The following TFRC variants were observed in gnomAD, a reference collection of about 807,000 sequenced individuals.
TFRC encodes transferrin receptor protein 1.
In TFRC, 35 loss-of-function variants were observed where a neutral mutation model predicts 85.8. The ratio of observed to expected loss-of-function variants is 0.41; its 90% confidence interval spans 0.31 to 0.54. The LOEUF is 0.54. Among genes scored for constraint, TFRC ranks in the 20% least tolerant of loss-of-function variants. The pLI is 0.31. For synonymous variants in TFRC, 362 were observed against 328.6 expected, an observed-to-expected ratio of 1.10 and a Z score of -1.10; for missense variants, 828 against 921.5, an observed-to-expected ratio of 0.90 and a Z score of 1.31.
chr3:196,066,751 T>C (rs1028241435), intron 9 of TFRC, among the ~76,000 whole-genome samples: 1 of 152,208 alleles, frequency 6.6e-6, no homozygotes, highest in African/African-American at 2.4e-5. Context: ...TGGTATTTCA[T>C]ATACTCCTTA....
intron 16 of TFRC, among the ~76,000 whole-genome samples, chr3:196,056,726 G>A (rs2063126581): frequency 6.6e-6 from 1 of 152,144 alleles, no homozygotes; most frequent in Non-Finnish European, 1.5e-5. Context: ...AACTCATAAA[G>A]AAGTTTTAGC....
intron 4 of TFRC, among the ~76,000 whole-genome samples, chr3:196,073,036 CAAA>C (rs56723183): frequency 0.29 from 20,490 of 70,326 alleles, 1,297 homozygotes; most frequent in Non-Finnish European, 0.32. Flanking sequence ...CCCGTTTCTG[CAAA>C]AAAAAAAAAA....
chr3:196,053,534 G>A lies in TFRC; in HGVS notation c.1924C>T (p.Leu642=). The change falls in exon 18 of 19, where the codon CTG becomes TTG. Residue 642 remains leucine (L), a synonymous_variant. Coordinates refer to ENST00000360110, the MANE Select transcript of TFRC (RefSeq NM_001128148.3). ...AAGAAGTCTCCACGAGCAGAATACA[G>A]CCACTGTAAACTCAGGCCCATTTCC... The part of the protein sequence containing the change: ...IKEMGLSLQW[L]YSARGDFFRA... The A allele has an allele frequency of 6.2e-7, 1 of 1,614,196 alleles. No homozygotes were observed. The highest frequency in any genetic ancestry group is 1.1e-5 in the South Asian group (1 of 91,090).
chr3:196,062,683 GTTTA>G (rs748929759), intron 12 of TFRC, 38 bp from the exon 13 acceptor site: 6 of 1,581,646 alleles, frequency 3.8e-6, no homozygotes, highest in South Asian at 2.3e-5. Flanking sequence ...GTATAAATCT[GTTTA>G]TTTATCACAT....
rs959531545 is a variant in TFRC, at chr3:196,058,197, T to C, written c.1677+87A>G. ...TACATAGTTGACTATAGCACAGGCA[T>C]TCCCATTGCAATGCCCTATTCCCAA... On this transcript the variant is annotated intron_variant, in intron 16 of 18. Transcript: ENST00000360110. 8 of 1,054,026 alleles carry C rather than the reference T, an allele frequency of 7.6e-6. No individual in the cohort carries two copies. The African/African-American group carries it at 7.9e-5, about 10-fold the overall frequency. The allele number at this position is 1,054,026 out of a possible 1,614,324, so 65.3% of individuals were successfully genotyped here.
At chr3:196,058,778 C>A in intron 14 of TFRC, 146 bp from the exon 15 acceptor site, 1 of 477,578 alleles carries the variant, frequency 2.1e-6, no homozygotes, top group Non-Finnish European at 3.6e-6. Flanking sequence ...ATAGTTAAAA[C>A]AATCTCAACT....
Position 196,077,073 on chromosome 3 carries a change from G to A in TFRC, c.27C>T (p.Phe9=), listed in dbSNP as rs754858266. The A allele has an allele frequency of 1.2e-6, 2 of 1,613,588 alleles. No homozygotes were observed. Among genetic ancestry groups the A allele is most frequent in the Admixed American group, 1.7e-5 (1 of 59,968 alleles). The change falls in exon 2 of 19, where the codon TTC becomes TTT. Residue 9 remains phenylalanine, a synonymous_variant. Transcript: ENST00000360110. The part of the protein sequence containing the change: MMDQARSA[F]SNLFGGEPLS... ...ACTGAAAATATCTTACCAAGTTAGA[G>A]AATGCTGATCTAGCTTGATCCATCA...
rs761881584 is a variant in TFRC at position 196,064,346 on chromosome 3, C to A, written c.1281G>T (p.Leu427Phe). 44 of 1,613,320 alleles carry A rather than the reference C, an allele frequency of 2.7e-5. No individual in the cohort carries two copies. Among genetic ancestry groups the A allele is most frequent in the Non-Finnish European group, 3.6e-5 (42 of 1,179,840 alleles). The change falls in exon 11 of 19, where the codon TTG (leucine) becomes TTT (phenylalanine). Residue 427 changes from leucine to phenylalanine, a missense_variant. By Grantham distance (22) the Leu-to-Phe change is conservative. Coordinates refer to ENST00000360110, the MANE Select transcript of TFRC (RefSeq NM_001128148.3). The part of the protein sequence containing the change: ...AKSGVGTALL[L>F]KLAQMFSDMV... ...TATCTGAGAACATCTGGGCAAGTTT[C>A]AATAGGAGAGCTGTGCCTACACCGG...
chr3:196,071,606 A>C, intron 5 of TFRC, 108 bp from the exon 6 acceptor site: 1 of 1,105,118 alleles, frequency 9.0e-7, no homozygotes, highest in Non-Finnish European at 1.3e-6. Context: ...ATTTACCTCT[A>C]AATCTTAAGC....
intron 6 of TFRC, 73 bp from the exon 7 acceptor site, chr3:196,069,641 G>T: frequency 1.0e-6 from 1 of 961,336 alleles, no homozygotes; most frequent in East Asian, 2.6e-5. Flanking sequence ...ACAGAAGAGT[G>T]TTATAGATCA....
Position 196,064,447 on chromosome 3 carries a change from AG to A in TFRC, c.1199-20del, listed in dbSNP as rs1717549378. 1 of 1,570,670 alleles carries A rather than the reference AG, an allele frequency of 6.4e-7. No individual in the cohort carries two copies. The highest frequency in any genetic ancestry group is 8.6e-7 in the Non-Finnish European group (1 of 1,167,236). Reference sequence around the variant, plus strand: ...TAGTGATCTTTAAAAAAGAAAAAAGAGGAAGAAAGAACTTATATAATCAGCT... The same window carrying A: ...TAGTGATCTTTAAAAAAGAAAAAAGAGAAGAAAGAACTTATATAATCAGCT... On this transcript the variant is annotated intron_variant, in intron 10 of 18. Coordinates refer to ENST00000360110, the MANE Select transcript of TFRC (RefSeq NM_001128148.3).
intron 1 of TFRC, among the ~76,000 whole-genome samples, chr3:196,079,594 C>G (rs561833637): frequency 6.6e-6 from 1 of 152,138 alleles, no homozygotes; most frequent in African/African-American, 2.4e-5. Flanking sequence ...ACAGCCTGGG[C>G]AACAAGCGTG....
intron 18 of TFRC, 82 bp from the exon 19 acceptor site, chr3:196,052,266 T>C (rs1361823742): frequency 7.7e-7 from 1 of 1,298,534 alleles, no homozygotes; most frequent in African/African-American, 1.5e-5. Context: ...ATGTAAAATG[T>C]CCCAAATTTA....
intron 17 of TFRC, among the ~76,000 whole-genome samples, chr3:196,054,407 C>CAAAAAAAAAAAAAAAAAAAAAAAAAAAA (rs1160849553): frequency 3.3e-5 from 5 of 149,386 alleles, no homozygotes; most frequent in Admixed American, 3.3e-4. Flanking sequence ...CTTCATCTCT[C>CAAAAAAAAAAAAAAAAAAAAAAAAAAAA]AAAAAAAATA....
rs1553799243 is a variant in TFRC, at chr3:196,075,065, AAT to A, written c.238+92_238+93del. ...TGTCTCCAAAAAAAAAAAAAAAAAA[AAT>A]AAGGTACAAAATAACTATATGCTGA... On this transcript the variant is annotated intron_variant, in intron 3 of 18. Coordinates refer to ENST00000360110, the MANE Select transcript of TFRC (RefSeq NM_001128148.3). 3,574 of 619,954 alleles carry A rather than the reference AAT, an allele frequency of 5.8e-3. 20 individuals carry two copies. The highest frequency in any genetic ancestry group is 0.019 in the South Asian group (674 of 35,164). 38.4% of individuals were successfully genotyped at this position (619,954 alleles called of 1,614,324 possible). A position where few individuals can be genotyped will look rare whatever the true frequency, so the allele number is the denominator to read the frequency against.
chr3:196,075,311 A>C lies in TFRC; in HGVS notation c.86T>G (p.Val29Gly). 2 of 1,614,086 alleles carry C rather than the reference A, an allele frequency of 1.2e-6. No homozygotes were observed. The highest frequency in any genetic ancestry group is 2.2e-5 in the South Asian group (2 of 91,084). ...CTCCACATGACTGTTATCGCCATCT[A>C]CTTGCCGAGCCAGGCTGAACCGGGT... is the stretch of plus-strand genomic sequence containing the variant. Reference protein sequence around the residue: ...SYTRFSLARQVDGDNSHVEMK... With the variant: ...SYTRFSLARQGDGDNSHVEMK... The change falls in exon 3 of 19, where the codon GTA becomes GGA. Residue 29 changes from valine (V) to glycine (G), a missense_variant. Transcript: ENST00000360110.
chr3:196,059,062 T>C (rs1324744577), intron 14 of TFRC: 1 of 152,984 alleles, frequency 6.5e-6, no homozygotes, highest in African/African-American at 2.4e-5. Flanking sequence ...ACACCTGTAA[T>C]CCCAGCATTT....
rs954252359 is a variant in TFRC, at chr3:196,060,318, A to C, written c.1469-71T>G. 1.0e-5 allele frequency: 13 copies of C among 1,277,508 alleles called. No homozygotes were observed. In the South Asian group the frequency reaches 1.2e-4, roughly 12 times the overall value. The allele number at this position is 1,277,508 out of a possible 1,614,324, so 79.1% of individuals were successfully genotyped here. A position where few individuals can be genotyped will look rare whatever the true frequency, so the allele number is the denominator to read the frequency against. On this transcript the variant is annotated intron_variant, in intron 13 of 18. Coordinates refer to ENST00000360110, the MANE Select transcript of TFRC (RefSeq NM_001128148.3). ...TTTTCACACTGCTACTTCTACAACT[A>C]TAAGTACTTGACAAATAAGACAGTA...
intron 13 of TFRC, chr3:196,060,562 GC>G (rs1253931331): frequency 1.3e-5 from 3 of 229,886 alleles, no homozygotes; most frequent in East Asian, 2.4e-4. Context: ...ACTTTGGGAG[GC>G]CCAGACGGGT....
Sources: gnomAD v4.1 joint callset for allele counts (sites outside exome capture counted in the v4.1 genomes callset) on GRCh38, gnomAD v4.1.1 for gene constraint, MANE v1.5 for transcripts, NCBI Gene and HGNC (gene_info 2026-07-23, HGNC 2026-07-21) for gene names.